CYP2J2: variants seen among roughly 807,000 people sequenced by gnomAD.
The protein encoded by CYP2J2 is cytochrome P450 2J2.
CYP2J2 carries 41 observed loss-of-function variants against 48.8 expected under a neutral mutation model. The ratio of observed to expected loss-of-function variants is 0.84; its 90% CI spans 0.66 to 1.09. The LOEUF (loss-of-function observed/expected upper bound fraction) is 1.09, where lower values mean the gene tolerates loss of function less well. CYP2J2 is among the 50% of genes least tolerant of loss of function. CYP2J2 has a pLI of 0.00. For missense variants in CYP2J2, 644 were observed against 617.3 expected (o/e 1.04, Z -0.46); for synonymous variants, 221 against 227.1 (o/e 0.97, Z 0.24).
At chr1:59,917,125 C>A (rs1644473401) in intron 1 of CYP2J2, among the ~76,000 whole-genome samples, 1 of 152,110 alleles carries the variant, frequency 6.6e-6, no homozygotes, top group African/African-American at 2.4e-5. Flanking sequence ...CTCAACTCCC[C>A]AGCTATAAAA....
At chr1:59,923,625 A>G (rs997934214) in intron 1 of CYP2J2, among the ~76,000 whole-genome samples, 8 of 152,222 alleles carry the variant, frequency 5.3e-5, no homozygotes, top group South Asian at 2.1e-4. Flanking sequence ...GAACCAAGTG[A>G]AAGTTTTAGA....
Position 59,897,551 on chromosome 1 carries a change from AACTG to A in CYP2J2, c.1330+3410_1330+3413del, listed in dbSNP as rs1226784631. Among the ~76,000 whole-genome samples the A allele has an allele frequency of 2.6e-5, 4 of 152,300 alleles. No homozygotes were observed. The South Asian group carries it at 6.2e-4, about 24-fold the overall frequency. On this transcript the variant is annotated intron_variant, in intron 8 of 8. Coordinates refer to ENST00000371204, the MANE Select transcript of CYP2J2 (RefSeq NM_000775.4). ...GGCTCCCCTCCCTGGTGCTTCCACA[AACTG>A]ACTATCACTAACCAACCAGGCCAGT...
At position 59,907,809 on chromosome 1, in the gene CYP2J2, A is replaced by G. The variant is rs748657942; in HGVS notation, c.980T>C (p.Met327Thr). Reference sequence around the variant, plus strand: ...ACCTTGGATTTCTGGGTAGAGGGCCATATAAAGCAGAGCCCATCGCAGAGT... The same window carrying G: ...ACCTTGGATTTCTGGGTAGAGGGCCGTATAAAGCAGAGCCCATCGCAGAGT... The part of the protein sequence containing the change: ...STTLRWALLY[M>T]ALYPEIQEKV... Residue 327 changes from methionine to threonine, a missense_variant, in exon 6 of 9, where the codon ATG becomes ACG. Physicochemically the swap from Met to Thr is moderately conservative, Grantham distance 81. Coordinates refer to ENST00000371204, the MANE Select transcript of CYP2J2 (RefSeq NM_000775.4). The G allele has an allele frequency of 6.2e-7, 1 of 1,613,876 alleles. No individual in the cohort carries two copies. The highest frequency in any genetic ancestry group is 8.5e-7 in the Non-Finnish European group (1 of 1,179,944).
At chr1:59,946,769 A>G in the CYP2J2 span, among the ~76,000 whole-genome samples, 1 of 152,208 alleles carries the variant, frequency 6.6e-6, no homozygotes, top group Non-Finnish European at 1.5e-5. Flanking sequence ...TTTACACATA[A>G]CAAAATAACT....
chr1:59,938,145 C>G, the CYP2J2 span, among the ~76,000 whole-genome samples: 3 of 152,154 alleles, frequency 2.0e-5, no homozygotes, highest in African/African-American at 7.2e-5. Flanking sequence ...GGTTATCTGT[C>G]TCTGGACATT....
At chr1:59,950,210 C>T in the CYP2J2 span, among the ~76,000 whole-genome samples, 2,174 of 152,252 alleles carry the variant, frequency 0.014, 64 homozygotes, top group African/African-American at 0.05. Context: ...GTAGGAGAAA[C>T]AGGATATTTG....
intron 1 of CYP2J2, among the ~76,000 whole-genome samples, chr1:59,921,555 A>T (rs1227908219): frequency 6.6e-6 from 1 of 152,018 alleles, no homozygotes; most frequent in Non-Finnish European, 1.5e-5. Flanking sequence ...CACATGGATA[A>T]GATAGGGTTA....
chr1:59,898,667 C>G (rs1644291137), intron 8 of CYP2J2, among the ~76,000 whole-genome samples: 1 of 152,188 alleles, frequency 6.6e-6, no homozygotes, highest in Admixed American at 6.5e-5. Flanking sequence ...GAACACTAGA[C>G]TAGAAGTATA....
the CYP2J2 span, among the ~76,000 whole-genome samples, chr1:59,941,397 G>A: frequency 3.9e-5 from 6 of 152,184 alleles, no homozygotes; most frequent in Non-Finnish European, 8.8e-5. Flanking sequence ...CTATTGTGCT[G>A]TCAGTCATAT....
At position 59,905,070 on chromosome 1, in the gene CYP2J2, G is replaced by C. The variant is rs1488885578; in HGVS notation, c.1004-12C>G. 1 of 1,606,042 alleles carries C rather than the reference G, an allele frequency of 6.2e-7. No individual in the cohort carries two copies. Among genetic ancestry groups the C allele is most frequent in the Admixed American group, 1.7e-5 (1 of 57,316 alleles). Reference sequence around the variant, plus strand: ...AGCTTGTACTTTTTCTGGTAAAGAGGGAAGGGTTCTATTATTTTTTAAACT... The same window carrying C: ...AGCTTGTACTTTTTCTGGTAAAGAGCGAAGGGTTCTATTATTTTTTAAACT... On this transcript the variant is annotated splice_polypyrimidine_tract_variant and intron_variant, in intron 6 of 8. Transcript: ENST00000371204.
intron 6 of CYP2J2, 52 bp downstream of exon 6, chr1:59,907,734 C>A: frequency 6.2e-7 from 1 of 1,602,484 alleles, no homozygotes; most frequent in Non-Finnish European, 8.5e-7. Flanking sequence ...GGCAGCACAT[C>A]CCAGGAGGCA....
intron 8 of CYP2J2, among the ~76,000 whole-genome samples, chr1:59,896,877 T>A (rs139379433): frequency 1.2e-3 from 184 of 152,392 alleles, no homozygotes; most frequent in African/African-American, 4.2e-3. Flanking sequence ...ATTGTCCTTG[T>A]GGAGATTATC....
At chr1:59,911,552 T>C in intron 4 of CYP2J2, 56 bp downstream of exon 4, 6 of 1,301,900 alleles carry the variant, frequency 4.6e-6, no homozygotes, top group Non-Finnish European at 5.1e-6. Flanking sequence ...AACCCATCTG[T>C]GGCTGACATC....
At position 59,900,974 on chromosome 1, in the gene CYP2J2, A is replaced by T; in HGVS notation, c.1321T>A (p.Phe441Ile). Residue 441 changes from phenylalanine to isoleucine, a missense_variant, in exon 8 of 9, where the codon TTC becomes ATC. Physicochemically the swap from Phe to Ile is conservative, Grantham distance 21 (BLOSUM62 0). Coordinates refer to ENST00000371204, the MANE Select transcript of CYP2J2 (RefSeq NM_000775.4). ...GTTTACTACAACTTACCTATTGAGA[A>T]AGGCATAAAGGCTTCCCTTTTCTTA... ...QFKKREAFMP[F>I]SIGKRACLGE... 1 of 1,613,834 alleles carries T rather than the reference A, an allele frequency of 6.2e-7. No homozygotes were observed. The highest frequency in any genetic ancestry group is 8.5e-7 in the Non-Finnish European group (1 of 1,179,738).
At chr1:59,965,274 G>C in the CYP2J2 span, among the ~76,000 whole-genome samples, 1 of 152,150 alleles carries the variant, frequency 6.6e-6, no homozygotes, top group African/African-American at 2.4e-5. Context: ...TGACAGGAGA[G>C]GGTGAGGCTG....
rs776469738 is a variant in CYP2J2, at chr1:59,893,747, G to A, written c.1413C>T (p.Phe471=). 6.8e-6 allele frequency: 11 copies of A among 1,613,248 alleles called. No individual in the cohort carries two copies. Among genetic ancestry groups the A allele is most frequent in the Non-Finnish European group, 6.8e-6 (8 of 1,179,688 alleles). The stretch of plus-strand genomic sequence containing the variant: ...TCAGCTTCTCATTGTTTGGGGGCCT[G>A]AAGGTAAATTTTTGCATAAGGGAAG... ...FFTSLMQKFT[F]RPPNNEKLSL... is the part of the protein sequence containing the mutation. Residue 471 remains phenylalanine, a synonymous_variant, in exon 9 of 9, where the codon TTC becomes TTT. Coordinates refer to ENST00000371204, the MANE Select transcript of CYP2J2 (RefSeq NM_000775.4).
upstream of CYP2J2, among the ~76,000 whole-genome samples, chr1:59,927,718 ACATGCCAC>A (rs965610262): frequency 3.9e-5 from 6 of 152,170 alleles, no homozygotes; most frequent in Non-Finnish European, 8.8e-5. Context: ...GACTACAGGC[ACATGCCAC>A]CATGCCCGGC....
upstream of CYP2J2, among the ~76,000 whole-genome samples, chr1:59,931,191 G>A (rs955154495): frequency 6.6e-5 from 10 of 152,118 alleles, no homozygotes; most frequent in Non-Finnish European, 1.2e-4. Context: ...AGAGCCTAGG[G>A]AGCAGAAACC....
chr1:59,955,132 C>A, the CYP2J2 span, among the ~76,000 whole-genome samples: 1 of 131,296 alleles, frequency 7.6e-6, no homozygotes, highest in African/African-American at 3.2e-5. Flanking sequence ...GTGAGACCAT[C>A]TCCAAAATTA....
Sources: gnomAD v4.1 joint callset for allele counts (sites outside exome capture counted in the v4.1 genomes callset) on GRCh38, gnomAD v4.1.1 for gene constraint, MANE v1.5 for transcripts, NCBI Gene and HGNC (gene_info 2026-07-23, HGNC 2026-07-21) for gene names.